PCDHA11: variants seen among roughly 807,000 people sequenced by gnomAD.
PCDHA11 encodes the protein protocadherin alpha-11.
PCDHA11 carries 61 observed loss-of-function variants against 70.3 expected under a neutral mutation model. That is an observed-to-expected ratio of 0.87 (90% CI 0.71 to 1.07). PCDHA11 has a LOEUF of 1.07. PCDHA11 is among the 50% of genes least tolerant of loss of function. The pLI is 0.00. For missense variants in PCDHA11, 1,324 were observed against 1,237.5 expected, an observed-to-expected ratio of 1.07 and a Z score of -1.05; for synonymous variants, 633 against 555.1, an observed-to-expected ratio of 1.14 and a Z score of -1.97.
rs1165429955 is a variant in PCDHA11, at chr5:140,869,866, G to A, written c.763G>A (p.Ala255Thr). Reference protein sequence around the residue: ...SEYKVSLMENAAKETLVLKLN... With the variant: ...SEYKVSLMENTAKETLVLKLN... Reference sequence around the variant, plus strand: ...ATATAAGGTGAGCCTTATGGAAAATGCTGCTAAAGAAACTCTTGTGCTCAA... The same window carrying A: ...ATATAAGGTGAGCCTTATGGAAAATACTGCTAAAGAAACTCTTGTGCTCAA... The change falls in exon 1 of 4, where the codon GCT (alanine) becomes ACT (threonine). Residue 255 changes from alanine to threonine, a missense_variant. Transcript: ENST00000398640. The A allele has an allele frequency of 1.9e-6, 3 of 1,610,400 alleles. No individual in the cohort carries two copies. The highest frequency in any genetic ancestry group is 1.7e-6 in the Non-Finnish European group (2 of 1,178,150).
intron 1 of PCDHA11, among the ~76,000 whole-genome samples, chr5:140,943,453 G>A (rs545980639): frequency 2.6e-5 from 4 of 152,040 alleles, no homozygotes; most frequent in Non-Finnish European, 5.9e-5. Context: ...GAATTGATAA[G>A]GCTAAATGTG....
rs1444177179 is a variant in PCDHA11 at position 140,984,821 on chromosome 5, T to C, written c.2539+2258T>C. On this transcript the variant is annotated intron_variant, in intron 3 of 3. Transcript: ENST00000398640. ...CTGCCTGAATTCATATTTTCTTAAT[T>C]ACCCTTTCTGTAAATTGGGTGTAGT... Among the ~76,000 whole-genome samples, 4 of 152,192 alleles carry C rather than the reference T, an allele frequency of 2.6e-5. No individual in the cohort carries two copies. In the East Asian group the frequency reaches 7.7e-4, roughly 29 times the overall value.
At chr5:140,928,890 CTT>C in intron 1 of PCDHA11, 1 of 1,614,182 alleles carries the variant, frequency 6.2e-7, no homozygotes, top group South Asian at 1.1e-5. Context: ...TACTTCCAGA[CTT>C]TGAAGATGTC....
intron 1 of PCDHA11, among the ~76,000 whole-genome samples, chr5:140,890,239 C>G (rs1398307605): frequency 6.6e-6 from 1 of 151,982 alleles, no homozygotes; most frequent in African/African-American, 2.4e-5. Context: ...AAGCATTTAC[C>G]AGTACACTAC....
At chr5:140,876,768 G>A (rs2056572417) in intron 1 of PCDHA11, 3 of 1,614,212 alleles carry the variant, frequency 1.9e-6, no homozygotes, top group Non-Finnish European at 2.5e-6. Flanking sequence ...ATGGGGGCTC[G>A]CCTTCGCTGT....
chr5:140,903,840 T>C (rs2070655374), intron 1 of PCDHA11, among the ~76,000 whole-genome samples: 1 of 152,196 alleles, frequency 6.6e-6, no homozygotes, highest in African/African-American at 2.4e-5. Flanking sequence ...GGTATTTTCA[T>C]TTATCTTAAC....
At chr5:140,916,367 CT>C (rs1359695566) in intron 1 of PCDHA11, among the ~76,000 whole-genome samples, 1 of 152,196 alleles carries the variant, frequency 6.6e-6, no homozygotes, top group Non-Finnish European at 1.5e-5. Flanking sequence ...GAGTCTTTCA[CT>C]GTAGCCACCA....
chr5:140,966,900 G>T, intron 1 of PCDHA11: 1 of 1,598,802 alleles, frequency 6.3e-7, no homozygotes, highest in Non-Finnish European at 8.5e-7. Context: ...TCCCAGCTGC[G>T]ATACTCTGTG....
At position 140,869,191 on chromosome 5, in the gene PCDHA11, C is replaced by CA. The variant is rs1554162609; in HGVS notation, c.89dup (p.Leu31AlafsTer97). The CA allele has an allele frequency of 6.2e-7, 1 of 1,613,878 alleles. No individual in the cohort carries two copies. The highest frequency in any genetic ancestry group is 2.2e-5 in the East Asian group (1 of 44,890). ...CGAATTCTGGGAGGTGGGGAGCGGC[C>CA]AGCTCCACTACTCCGTCTCGGAGGA... On this transcript the variant is annotated frameshift_variant, in exon 1 of 4. Transcript: ENST00000398640. LOFTEE classifies it high-confidence loss of function.
At chr5:140,922,815 C>G (rs2081002299) in intron 1 of PCDHA11, among the ~76,000 whole-genome samples, 2 of 152,158 alleles carry the variant, frequency 1.3e-5, no homozygotes, top group Non-Finnish European at 2.9e-5. Context: ...AAAGGAGATA[C>G]AGCATACTGC....
At chr5:140,993,468 A>G (rs1327306188) in intron 3 of PCDHA11, among the ~76,000 whole-genome samples, 1 of 69,412 alleles carries the variant, frequency 1.4e-5, no homozygotes, top group African/African-American at 5.6e-5. Context: ...TTTCTCACAC[A>G]CACACACACA....
At chr5:140,971,603 C>T (rs1353988698) in intron 1 of PCDHA11, among the ~76,000 whole-genome samples, 1 of 152,072 alleles carries the variant, frequency 6.6e-6, no homozygotes, top group Non-Finnish European at 1.5e-5. Context: ...CTACAGATGG[C>T]AGGAGAGTCC....
At chr5:140,920,662 G>A (rs2079759376) in intron 1 of PCDHA11, among the ~76,000 whole-genome samples, 1 of 152,044 alleles carries the variant, frequency 6.6e-6, no homozygotes, top group Admixed American at 6.6e-5. Context: ...TTGCCAACAT[G>A]GTGAAACCCC....
At chr5:140,976,884 A>T (rs1423993981) in intron 1 of PCDHA11, among the ~76,000 whole-genome samples, 1 of 152,232 alleles carries the variant, frequency 6.6e-6, no homozygotes, top group Non-Finnish European at 1.5e-5. Context: ...AAGAATTAGG[A>T]TACATGCAAC....
In PCDHA11 at chr5:140,967,909, C is replaced by T. The variant is rs140881563; in HGVS notation, c.2392-11040C>T. The T allele has an allele frequency of 5.0e-5, 81 of 1,614,206 alleles. No individual in the cohort carries two copies. In the African/African-American group the frequency reaches 9.1e-4, roughly 18 times the overall value. ...CAGTGCCTGAGAATGCTACACCCAACACCATTGTGGCCGTTCTCAGTGTCA... is the reference window on the plus strand; with the variant it reads ...CAGTGCCTGAGAATGCTACACCCAATACCATTGTGGCCGTTCTCAGTGTCA... On this transcript the variant is annotated intron_variant, in intron 1 of 3. Coordinates refer to ENST00000398640, the MANE Select transcript of PCDHA11 (RefSeq NM_018902.5).
At chr5:140,957,531 G>A (rs2095365025) in intron 1 of PCDHA11, among the ~76,000 whole-genome samples, 1 of 152,080 alleles carries the variant, frequency 6.6e-6, no homozygotes, top group Non-Finnish European at 1.5e-5. Flanking sequence ...ATTCAGTGGG[G>A]ATCTTAGAAA....
intron 1 of PCDHA11, chr5:140,926,893 A>G: frequency 1.3e-6 from 2 of 1,547,320 alleles, no homozygotes; most frequent in Non-Finnish European, 1.7e-6. Context: ...TAGAGGGAGG[A>G]TGGTGGGCTG....
At chr5:140,940,245 T>A (rs1262681154) in intron 1 of PCDHA11, among the ~76,000 whole-genome samples, 1 of 152,210 alleles carries the variant, frequency 6.6e-6, no homozygotes, top group Non-Finnish European at 1.5e-5. Flanking sequence ...TAAAGTTACC[T>A]CCTCAATATC....
chr5:140,877,415 T>A (rs1554169714), intron 1 of PCDHA11: 3 of 1,613,882 alleles, frequency 1.9e-6, no homozygotes, highest in Non-Finnish European at 2.5e-6. Flanking sequence ...CACCGCCTGC[T>A]GGTGCTGGTG....
Sources: allele counts gnomAD v4.1 joint callset (sites outside exome capture counted in the v4.1 genomes callset), GRCh38; gene constraint gnomAD v4.1.1; transcripts MANE v1.5; gene names NCBI Gene and HGNC (gene_info 2026-07-23, HGNC 2026-07-21).